Variants in SVOP observed in about 807,000 individuals in gnomAD.
SVOP encodes the protein SV2 related protein.
SVOP carries 17 observed loss-of-function variants against 69.1 expected under a neutral mutation model. The ratio of observed to expected loss-of-function variants is 0.25; its 90% CI spans 0.17 to 0.37. The LOEUF (loss-of-function observed/expected upper bound fraction) is 0.37, where lower values mean the gene tolerates loss of function less well. Ranked by LOEUF, SVOP falls within the 10% of genes least tolerant of loss-of-function variation. SVOP has a pLI of 1.00. For synonymous variants in SVOP, 238 were observed against 238.6 expected (o/e 1.00, Z 0.02); for missense variants, 435 against 597.5 (o/e 0.73, Z 2.84).
At chr12:108,926,012 G>T (rs966186505) in intron 11 of SVOP, among the ~76,000 whole-genome samples, 35 of 151,102 alleles carry the variant, frequency 2.3e-4, no homozygotes, top group African/African-American at 8.5e-4. Flanking sequence ...TTGAATTCCT[G>T]GGCTCAAGCA....
At chr12:109,012,270 G>A (rs551352917) in intron 1 of SVOP, among the ~76,000 whole-genome samples, 14 of 151,344 alleles carry the variant, frequency 9.3e-5, no homozygotes, top group African/African-American at 2.7e-4. Flanking sequence ...GCAACAGAGC[G>A]AGACTGTCTC....
chr12:108,953,857 A>T (rs1302215223), intron 6 of SVOP, among the ~76,000 whole-genome samples: 1 of 152,142 alleles, frequency 6.6e-6, no homozygotes, highest in Non-Finnish European at 1.5e-5. Flanking sequence ...GATGCCTGTA[A>T]TCCCAGCACT....
At chr12:108,966,708 T>C (rs1438800244) in intron 5 of SVOP, among the ~76,000 whole-genome samples, 1 of 152,110 alleles carries the variant, frequency 6.6e-6, no homozygotes, top group Admixed American at 6.5e-5. Flanking sequence ...ATGTTGGGTA[T>C]GGAATTTATC....
chr12:108,985,776 T>C (rs2040162876), intron 1 of SVOP, among the ~76,000 whole-genome samples: 1 of 151,800 alleles, frequency 6.6e-6, no homozygotes, highest in Non-Finnish European at 1.5e-5. Flanking sequence ...TTTTAAAAGG[T>C]AAAAAAAAGA....
At chr12:109,015,758 A>G (rs2135634744) in intron 1 of SVOP, among the ~76,000 whole-genome samples, 1 of 152,228 alleles carries the variant, frequency 6.6e-6, no homozygotes, top group Middle Eastern at 3.4e-3. Flanking sequence ...ACACCACTGC[A>G]CTCCAGCCTG....
intron 1 of SVOP, among the ~76,000 whole-genome samples, chr12:109,019,253 T>G (rs2040383576): frequency 1.3e-5 from 2 of 152,170 alleles, no homozygotes; most frequent in South Asian, 4.1e-4. Context: ...AAACCTAAAT[T>G]TTTACATTTA....
At chr12:108,978,543 T>C (rs553018875) in intron 3 of SVOP, 35 bp downstream of exon 3, 45 of 702,142 alleles carry the variant, frequency 6.4e-5, no homozygotes, top group Middle Eastern at 4.7e-4. Context: ...GGGGGTTTCT[T>C]GGAGGCTGAG....
chr12:108,915,568 C>T (rs1273338588), intron 15 of SVOP, among the ~76,000 whole-genome samples: 1 of 152,206 alleles, frequency 6.6e-6, no homozygotes, highest in African/African-American at 2.4e-5. Context: ...GGATTGGCTA[C>T]TTTCCAGCTG....
rs543897957 is a variant in SVOP at position 108,970,235 on chromosome 12, C to T, written c.453+2170G>A. Among the ~76,000 whole-genome samples, 25 of 152,302 alleles carry T rather than the reference C, an allele frequency of 1.6e-4. No individual in the cohort carries two copies. In the South Asian group the frequency reaches 2.1e-3, roughly 13 times the overall value. ...CTGGAGCACCTACTGATTCAAGCCA[C>T]AGGCATCATAGTGAAGACAGAGCTC... is the stretch of plus-strand genomic sequence containing the variant. On this transcript the variant is annotated intron_variant, in intron 5 of 15. Transcript: ENST00000610966.
At chr12:108,937,375 C>T in intron 9 of SVOP, 38 bp from the exon 10 acceptor site, 1 of 1,589,916 alleles carries the variant, frequency 6.3e-7, no homozygotes, top group African/African-American at 1.3e-5. Flanking sequence ...ATTCTCTCCC[C>T]TACAGATGCA....
At chr12:108,953,407 C>T (rs138655366) in intron 6 of SVOP, among the ~76,000 whole-genome samples, 3,248 of 152,226 alleles carry the variant, frequency 0.021, 53 homozygotes, top group Non-Finnish European at 0.03. Context: ...CTCAGCCTCC[C>T]AAAGTGCTTG....
intron 11 of SVOP, among the ~76,000 whole-genome samples, chr12:108,929,254 C>T (rs1336188629): frequency 5.3e-5 from 8 of 152,210 alleles, no homozygotes; most frequent in African/African-American, 1.9e-4. Context: ...TATGCTTCCT[C>T]CCCTATACTT....
chr12:108,912,687 G>C lies in SVOP; in HGVS notation c.1495C>G (p.Leu499Val). ...LTLAVYSGCCLLAALASCFLP... is the reference protein window; with the variant it reads ...LTLAVYSGCCVLAALASCFLP... Reference sequence around the variant, plus strand: ...AAGCAGGAGGCCAGGGCAGCCAGGAGGCAGCAGCCACTGTAAACTGCCAGA... The same window carrying C: ...AAGCAGGAGGCCAGGGCAGCCAGGACGCAGCAGCCACTGTAAACTGCCAGA... Residue 499 changes from leucine (L) to valine (V), a missense_variant, in exon 16 of 16, where the codon CTC (leucine) becomes GTC (valine). Physicochemically the swap from Leu to Val is conservative, Grantham distance 32. Coordinates refer to ENST00000610966, the MANE Select transcript of SVOP (RefSeq NM_018711.5). 5 of 1,613,570 alleles carry C rather than the reference G, an allele frequency of 3.1e-6. No individual in the cohort carries two copies. The highest frequency in any genetic ancestry group is 4.2e-6 in the Non-Finnish European group (5 of 1,179,838).
chr12:108,986,778 A>G (rs369173715), intron 1 of SVOP, among the ~76,000 whole-genome samples: 8 of 150,972 alleles, frequency 5.3e-5, no homozygotes, highest in Non-Finnish European at 1.2e-4. Flanking sequence ...TTGATCGGGG[A>G]GGGGGGGGTC....
chr12:108,958,524 G>T (rs565201613), intron 6 of SVOP, among the ~76,000 whole-genome samples: 1 of 152,098 alleles, frequency 6.6e-6, no homozygotes. Context: ...TATGATGTTT[G>T]CACGGTGACA....
chr12:108,984,366 T>C (rs2040156562), intron 1 of SVOP, among the ~76,000 whole-genome samples: 1 of 152,192 alleles, frequency 6.6e-6, no homozygotes, highest in Admixed American at 6.5e-5. Flanking sequence ...AGAATCCCAA[T>C]GTCTCTTGAA....
intron 1 of SVOP, among the ~76,000 whole-genome samples, chr12:108,984,588 C>A (rs1425393659): frequency 6.6e-6 from 1 of 152,202 alleles, no homozygotes; most frequent in Non-Finnish European, 1.5e-5. Context: ...CACGTGGCCC[C>A]ATTTGTCAGG....
At chr12:108,996,559 C>CA (rs900496275) in intron 1 of SVOP, among the ~76,000 whole-genome samples, 7 of 149,716 alleles carry the variant, frequency 4.7e-5, no homozygotes, top group South Asian at 2.1e-4. Context: ...CATCGAAAAA[C>CA]AAAAAAAAGA....
intron 5 of SVOP, among the ~76,000 whole-genome samples, chr12:108,961,903 C>G (rs952412512): frequency 1.3e-5 from 2 of 152,130 alleles, no homozygotes; most frequent in Non-Finnish European, 2.9e-5. Flanking sequence ...ATTTTGGCAT[C>G]ATTATTCTAA....
Sources: allele counts gnomAD v4.1 joint callset (sites outside exome capture counted in the v4.1 genomes callset), GRCh38; gene constraint gnomAD v4.1.1; transcripts MANE v1.5; gene names NCBI Gene and HGNC (gene_info 2026-07-23, HGNC 2026-07-21).